The following ATP4A variants were observed in gnomAD, a reference collection of about 807,000 sequenced individuals.
ATP4A encodes ATPase H+/K+ transporting subunit alpha.
ATP4A carries 73 observed loss-of-function variants against 112.1 expected under a neutral mutation model. That is an observed-to-expected ratio of 0.65 (90% CI 0.54 to 0.79). ATP4A has a LOEUF of 0.79. Ranked by LOEUF, ATP4A falls within the 30% of genes least tolerant of loss-of-function variation. The probability of loss-of-function intolerance (pLI) is 0.00; values close to 1 mark genes in which losing one functional copy is unlikely to be tolerated. For synonymous variants in ATP4A, 588 were observed against 588.9 expected, an observed-to-expected ratio of 1.00 and a Z score of 0.02; for missense variants, 1,081 against 1,425.9, an observed-to-expected ratio of 0.76 and a Z score of 3.90.
rs1004769286 is a variant in ATP4A at position 35,560,203 on chromosome 19, G to A, written c.788-130C>T. 152 of 1,523,496 alleles carry A rather than the reference G, an allele frequency of 1.0e-4. No individual in the cohort carries two copies. In the East Asian group the frequency reaches 1.2e-3, roughly 12 times the overall value. 94.4% of individuals were successfully genotyped at this position (1,523,496 alleles called of 1,614,324 possible). On this transcript the variant is annotated intron_variant, in intron 6 of 21. Transcript: ENST00000262623. The surrounding 1 kb of genome is among the most constrained non-coding windows in gnomAD (Gnocchi z 5.1). ...CTGGGAGAGGGTAGTGACAGTGGGA[G>A]ACAGAGAAGCAGTGTGCCCTGGGGA...
chr19:35,551,717 G>C lies in ATP4A; in HGVS notation c.2752-137C>G. On this transcript the variant is annotated intron_variant, in intron 18 of 21. Transcript: ENST00000262623. The surrounding 1 kb of genome is among the most constrained non-coding windows in gnomAD (Gnocchi z 5.2). ...CTCTGCCTTGCATCAGAGTGTGGGGGTGGGGGGAAGGAGAGAGGCAGGGTC... is the reference window on the plus strand; with the variant it reads ...CTCTGCCTTGCATCAGAGTGTGGGGCTGGGGGGAAGGAGAGAGGCAGGGTC... 1 of 1,195,128 alleles carries C rather than the reference G, an allele frequency of 8.4e-7. No homozygotes were observed. The highest frequency in any genetic ancestry group is 1.2e-6 in the Non-Finnish European group (1 of 853,788). The allele number at this position is 1,195,128 out of a possible 1,614,324, so 74.0% of individuals were successfully genotyped here. A position where few individuals can be genotyped will look rare whatever the true frequency, so the allele number is the denominator to read the frequency against.
chr19:35,560,246 G>A lies in ATP4A; in HGVS notation c.787+117C>T. Reference sequence around the variant, plus strand: ...CCTGGGGAGGTGGCAGTCACGGGGAGGTGGCAGTCATGCAGGAGAGAGACA... The same window carrying A: ...CCTGGGGAGGTGGCAGTCACGGGGAAGTGGCAGTCATGCAGGAGAGAGACA... On this transcript the variant is annotated intron_variant, in intron 6 of 21. Coordinates refer to ENST00000262623, the MANE Select transcript of ATP4A (RefSeq NM_000704.3). The surrounding 1 kb of genome is among the most constrained non-coding windows in gnomAD (Gnocchi z 5.1). 1 of 1,544,824 alleles carries A rather than the reference G, an allele frequency of 6.5e-7. No individual in the cohort carries two copies. The highest frequency in any genetic ancestry group is 8.8e-7 in the Non-Finnish European group (1 of 1,142,186).
intron 4 of ATP4A, among the ~76,000 whole-genome samples, chr19:35,561,818 T>A (rs2071672430): frequency 6.6e-6 from 1 of 150,826 alleles, no homozygotes; most frequent in Non-Finnish European, 1.5e-5. Flanking sequence ...GTGTCTGCAC[T>A]GCATGTCCTC....
chr19:35,550,459 C>T lies in ATP4A; in HGVS notation c.*156G>A. The T allele has an allele frequency of 9.6e-6, 9 of 938,342 alleles. No individual in the cohort carries two copies. Among genetic ancestry groups the T allele is most frequent in the Non-Finnish European group, 1.4e-5 (9 of 622,298 alleles). The allele number at this position is 938,342 out of a possible 1,614,324, so 58.1% of individuals were successfully genotyped here. On this transcript the variant is annotated 3_prime_UTR_variant, in exon 22 of 22. Transcript: ENST00000262623. This position sits in a 1 kb window ranked among gnomAD's most constrained non-coding sequence, Gnocchi z 4.1. The stretch of plus-strand genomic sequence containing the variant: ...AATGGGGGAGGGGAGTGGGCAGGTC[C>T]CTCCAAGTTTGGGGTGCCGTGGGCT...
rs2071592259 is a variant in ATP4A at position 35,550,052 on chromosome 19, AGG to A, written c.*561_*562del. ...GGAATAGGAATCATTTCCCCAAGGCAGGTTTATTGAGGACCTACTATGTGCCA... is the reference window on the plus strand; with the variant it reads ...GGAATAGGAATCATTTCCCCAAGGCATTTATTGAGGACCTACTATGTGCCA... On this transcript the variant is annotated 3_prime_UTR_variant, in exon 22 of 22. Transcript: ENST00000262623. The surrounding 1 kb of genome is among the most constrained non-coding windows in gnomAD (Gnocchi z 4.1). 6.4e-6 allele frequency: 1 copy of A among 157,474 alleles called. No homozygotes were observed. The highest frequency in any genetic ancestry group is 2.4e-5 in the African/African-American group (1 of 41,428). 9.8% of individuals were successfully genotyped at this position (157,474 alleles called of 1,614,324 possible).
At position 35,557,778 on chromosome 19, in the gene ATP4A, G is replaced by A; in HGVS notation, c.1570C>T (p.Arg524Cys). The change falls in exon 11 of 22, where the codon CGC becomes TGC. Residue 524 changes from arginine to cysteine, a missense_variant. This residue lies in a region of ATP4A where 850 missense variants were observed against 1,068.2 expected (regional missense o/e 0.80). Transcript: ENST00000262623. This position sits in a 1 kb window ranked among gnomAD's most constrained non-coding sequence, Gnocchi z 4.4. ...ATGGAGCTGCAGCGCTCCAGCACGCGCTCGGGGGCGCCCTTCATCACCAGC... is the reference window on the plus strand; with the variant it reads ...ATGGAGCTGCAGCGCTCCAGCACGCACTCGGGGGCGCCCTTCATCACCAGC... Reference protein sequence around the residue: ...HLLVMKGAPERVLERCSSILI... With the variant: ...HLLVMKGAPECVLERCSSILI... 1.9e-6 allele frequency: 3 copies of A among 1,582,714 alleles called. No individual in the cohort carries two copies. The highest frequency in any genetic ancestry group is 2.3e-5 in the East Asian group (1 of 43,486).
In ATP4A at chr19:35,555,916, G is replaced by T; in HGVS notation, c.1870-104C>A. ...TACACGTGTTCATTTACTTGACCAA[G>T]CGTGACCACCTCCTACGTGCCTGGG... On this transcript the variant is annotated intron_variant, in intron 12 of 21. Transcript: ENST00000262623. The surrounding 1 kb of genome is among the most constrained non-coding windows in gnomAD (Gnocchi z 6.6). 6.8e-7 allele frequency: 1 copy of T among 1,469,866 alleles called. No individual in the cohort carries two copies. Among genetic ancestry groups the T allele is most frequent in the African/African-American group, 1.4e-5 (1 of 71,842 alleles). 91.1% of individuals were successfully genotyped at this position (1,469,866 alleles called of 1,614,324 possible).
In ATP4A at chr19:35,558,909, GCCCTCCCTACCTCCCTATC is replaced by G; in HGVS notation, c.1255+65_1255+83del. 6.5e-7 allele frequency: 1 copy of G among 1,534,258 alleles called. No homozygotes were observed. Among genetic ancestry groups the G allele is most frequent in the Non-Finnish European group, 8.9e-7 (1 of 1,118,810 alleles). Reference sequence around the variant, plus strand: ...CCGAGCCGCCCCGCCTTCGTACAAAGCCCTCCCTACCTCCCTATCCCTCTTCAGGTCTCCACCATCCACC... The same window carrying G: ...CCGAGCCGCCCCGCCTTCGTACAAAGCCTCTTCAGGTCTCCACCATCCACC... On this transcript the variant is annotated intron_variant, in intron 8 of 21. Coordinates refer to ENST00000262623, the MANE Select transcript of ATP4A (RefSeq NM_000704.3). The surrounding 1 kb of genome is among the most constrained non-coding windows in gnomAD (Gnocchi z 5.1).
rs2071636048 is a variant in ATP4A, at chr19:35,557,188, C to A, written c.1694-100G>T. The A allele has an allele frequency of 7.4e-7, 1 of 1,353,190 alleles. No homozygotes were observed. The highest frequency in any genetic ancestry group is 1.0e-6 in the Non-Finnish European group (1 of 973,270). 83.8% of individuals were successfully genotyped at this position (1,353,190 alleles called of 1,614,324 possible). The stretch of plus-strand genomic sequence containing the variant: ...TAACCAGGCCCCTTGCACCAAACAC[C>A]TATGGATGCCTGACCTTGTGCTGAC... On this transcript the variant is annotated intron_variant, in intron 11 of 21. Transcript: ENST00000262623. The surrounding 1 kb of genome is among the most constrained non-coding windows in gnomAD (Gnocchi z 4.4).
intron 16 of ATP4A, 85 bp from the exon 17 acceptor site, chr19:35,553,914 G>A (rs2071616256): frequency 6.7e-6 from 10 of 1,500,946 alleles, no homozygotes; most frequent in South Asian, 3.9e-5. Context: ...CCCCACTTGT[G>A]AGCAGGAACA....
Position 35,563,535 on chromosome 19 carries a change from T to C in ATP4A, c.13-8A>G, listed in dbSNP as rs746655350. The C allele has an allele frequency of 4.8e-5, 77 of 1,613,790 alleles. No homozygotes were observed. Among genetic ancestry groups the C allele is most frequent in the Non-Finnish European group, 6.4e-5 (75 of 1,179,906 alleles). ...GTAGAGCTCATAGTTCTCCTGGGAA[T>C]GGACAGGATGGAGGGAGGGAGAACT... On this transcript the variant is annotated splice_region_variant and splice_polypyrimidine_tract_variant and intron_variant, in intron 1 of 21. Transcript: ENST00000262623.
At chr19:35,561,847 CTTTTTTTTT>C (rs71167554) in intron 4 of ATP4A, among the ~76,000 whole-genome samples, 12 of 103,812 alleles carry the variant, frequency 1.2e-4, no homozygotes, top group Admixed American at 2.9e-4. Flanking sequence ...AGTCCCATCT[CTTTTTTTTT>C]TTTTTTTTTT....
intron 17 of ATP4A, 30 bp from the exon 18 acceptor site, chr19:35,553,212 CAG>C (rs774404154): frequency 1.3e-6 from 2 of 1,573,394 alleles, no homozygotes; most frequent in Non-Finnish European, 8.7e-7. Flanking sequence ...CACAGGGAGA[CAG>C]AGATGGACAC....
chr19:35,555,660 G>A lies in ATP4A; in HGVS notation c.2006+16C>T. The stretch of plus-strand genomic sequence containing the variant: ...CAGATGTGGGGAGAACCCCGGGGAG[G>A]TCTGGGGGGGCTTACTTGCGATTAA... On this transcript the variant is annotated intron_variant, in intron 13 of 21. Coordinates refer to ENST00000262623, the MANE Select transcript of ATP4A (RefSeq NM_000704.3). This position sits in a 1 kb window ranked among gnomAD's most constrained non-coding sequence, Gnocchi z 6.6. The A allele has an allele frequency of 6.3e-7, 1 of 1,594,958 alleles. No homozygotes were observed. The highest frequency in any genetic ancestry group is 1.3e-5 in the African/African-American group (1 of 74,780).
Position 35,553,694 on chromosome 19 carries a change from A to C in ATP4A, c.2605+12T>G, listed in dbSNP as rs748088621. On this transcript the variant is annotated intron_variant, in intron 17 of 21. Transcript: ENST00000262623. The stretch of plus-strand genomic sequence containing the variant: ...CCCCCACCTCCAGGCTCCCCGGCCC[A>C]CGGGCACCCACCAATCTGGAAGTAG... 1 of 1,612,822 alleles carries C rather than the reference A, an allele frequency of 6.2e-7. No individual in the cohort carries two copies. Among genetic ancestry groups the C allele is most frequent in the South Asian group, 1.1e-5 (1 of 90,944 alleles).
intron 17 of ATP4A, among the ~76,000 whole-genome samples, 194 bp from the exon 18 acceptor site, chr19:35,553,376 A>G (rs2071612650): frequency 6.6e-6 from 1 of 152,086 alleles, no homozygotes; most frequent in Admixed American, 6.5e-5. Context: ...AGAAACAGTG[A>G]CAGAGACACA....
In ATP4A at chr19:35,550,760, T is replaced by G; in HGVS notation, c.3079+74A>C. On this transcript the variant is annotated intron_variant, in intron 21 of 21. Transcript: ENST00000262623. This position sits in a 1 kb window ranked among gnomAD's most constrained non-coding sequence, Gnocchi z 4.1. ...GGTCAAGGGCTTAGAGGCCAAGTGT[T>G]GAGGATCAAAGGTGGGTGCAGCTGC... is the stretch of plus-strand genomic sequence containing the variant. 1 of 1,608,812 alleles carries G rather than the reference T, an allele frequency of 6.2e-7. No individual in the cohort carries two copies. Among genetic ancestry groups the G allele is most frequent in the South Asian group, 1.1e-5 (1 of 90,960 alleles).
Position 35,551,455 on chromosome 19 carries a change from G to T in ATP4A, c.2877C>A (p.Gly959=). The T allele has an allele frequency of 1.2e-6, 2 of 1,614,134 alleles. No homozygotes were observed. The highest frequency in any genetic ancestry group is 1.7e-6 in the Non-Finnish European group (2 of 1,180,032). The change falls in exon 19 of 22, where the codon GGC becomes GGA. Residue 959 remains glycine, a synonymous_variant. Transcript: ENST00000262623. This position sits in a 1 kb window ranked among gnomAD's most constrained non-coding sequence, Gnocchi z 5.2. ...KTRRLSAFQQ[G]FFRNKILVIA... ...GGGCCAGCCAGGGACACCTGAAGAA[G>T]CCTTGCTGGAAGGCAGAGAGACGGC...
chr19:35,558,883 G>A lies in ATP4A; in HGVS notation c.1255+110C>T, dbSNP rs963847728. 23 of 1,409,524 alleles carry A rather than the reference G, an allele frequency of 1.6e-5. No individual in the cohort carries two copies. In the African/African-American group the frequency reaches 3.0e-4, roughly 18 times the overall value. 87.3% of individuals were successfully genotyped at this position (1,409,524 alleles called of 1,614,324 possible). ...TAGCGAGTCTCCTTTGAGACCTGGA[G>A]CCGAGCCGCCCCGCCTTCGTACAAA... On this transcript the variant is annotated intron_variant, in intron 8 of 21. Coordinates refer to ENST00000262623, the MANE Select transcript of ATP4A (RefSeq NM_000704.3). This position sits in a 1 kb window ranked among gnomAD's most constrained non-coding sequence, Gnocchi z 5.1.
Sources: gnomAD v4.1 joint callset for allele counts (sites outside exome capture counted in the v4.1 genomes callset) on GRCh38, gnomAD v4.1.1 for gene constraint, gnomAD v4.1.1 regional missense constraint, Gnocchi (gnomAD v3.1) non-coding constraint, MANE v1.5 for transcripts, NCBI Gene and HGNC (gene_info 2026-07-23, HGNC 2026-07-21) for gene names.